Variants in GPRIN1 observed in about 807,000 individuals in gnomAD.
GPRIN1 encodes G protein regulated inducer of neurite outgrowth 1.
GPRIN1 carries 4 observed loss-of-function variants against 2.8 expected under a neutral mutation model. The ratio of observed to expected loss-of-function variants is 1.45; its 90% confidence interval spans 0.71 to 3.32. GPRIN1 has a LOEUF of 3.32. GPRIN1 is among the 30% of genes most tolerant of loss of function. The probability of loss-of-function intolerance (pLI) is 0.01; values close to 1 mark genes in which losing one functional copy is unlikely to be tolerated. For missense variants in GPRIN1, 1,322 were observed against 1,343.4 expected (o/e 0.98, Z 0.25); for synonymous variants, 589 against 589.9 (o/e 1.00, Z 0.02).
At chr5:176,609,769 C>T (rs1251474169) in intron 1 of GPRIN1, among the ~76,000 whole-genome samples, 1 of 149,920 alleles carries the variant, frequency 6.7e-6, no homozygotes, top group African/African-American at 2.4e-5. Context: ...GGCTGCGGGA[C>T]CCGCCCCCGC....
Position 176,598,730 on chromosome 5 carries a change from CT to C in GPRIN1, c.1104del (p.Glu369ArgfsTer37). ...ATCTTTCCCAGGAACCGGGAGTCCT[CT>C]TTTGTGGCAGGCACAGTTTCTACAT... ...VGNVETVPAT[K>X]EDSRFLGKMD... On this transcript the variant is annotated frameshift_variant, in exon 2 of 2. Transcript: ENST00000303991. LOFTEE classifies it low-confidence loss of function (END_TRUNC). 6.2e-7 allele frequency: 1 copy of C among 1,613,970 alleles called. No individual in the cohort carries two copies. Among genetic ancestry groups the C allele is most frequent in the Non-Finnish European group, 8.5e-7 (1 of 1,180,028 alleles).
At position 176,604,882 on chromosome 5, in the gene GPRIN1, C is replaced by T. The variant is rs530582930; in HGVS notation, c.-43-5005G>A. Among the ~76,000 whole-genome samples, 20 of 151,914 alleles carry T rather than the reference C, an allele frequency of 1.3e-4. No homozygotes were observed. The East Asian group carries it at 1.9e-3, about 15-fold the overall frequency. The stretch of plus-strand genomic sequence containing the variant: ...CCAAGTAGCTGGGATTACAGGCATG[C>T]GCCACCATGCCCAGCTAATTTTGTA... On this transcript the variant is annotated intron_variant, in intron 1 of 1. Transcript: ENST00000303991.
At chr5:176,605,807 CTT>C (rs1759213565) in intron 1 of GPRIN1, among the ~76,000 whole-genome samples, 1 of 152,102 alleles carries the variant, frequency 6.6e-6, no homozygotes, top group African/African-American at 2.4e-5. Flanking sequence ...AAGAAACTGT[CTT>C]TAAAACAGAG....
intron 1 of GPRIN1, among the ~76,000 whole-genome samples, chr5:176,601,393 A>G (rs1028294086): frequency 1.3e-5 from 2 of 152,164 alleles, no homozygotes; most frequent in Admixed American, 6.5e-5. Context: ...TCTCGATGAG[A>G]GACAGCACAG....
chr5:176,597,723 G>A lies in GPRIN1; in HGVS notation c.2112C>T (p.Ser704=), dbSNP rs1480661899. ...GGGGGACCACCTTCCCCAAGGATGG[G>A]GACTCCGTTTTTCTGGAAGGTGCAG... ...ADSAPSRKTE[S]PSLGKVVPLS... The change falls in exon 2 of 2, where the codon TCC becomes TCT. Residue 704 remains serine, a synonymous_variant. Coordinates refer to ENST00000303991, the MANE Select transcript of GPRIN1 (RefSeq NM_052899.3). This position sits in a 1 kb window ranked among gnomAD's most constrained non-coding sequence, Gnocchi z 6.1. 1.3e-6 allele frequency: 2 copies of A among 1,598,808 alleles called. No homozygotes were observed. Among genetic ancestry groups the A allele is most frequent in the African/African-American group, 2.7e-5 (2 of 74,190 alleles).
intron 1 of GPRIN1, among the ~76,000 whole-genome samples, chr5:176,604,170 A>G (rs1759188284): frequency 6.6e-6 from 1 of 152,260 alleles, no homozygotes; most frequent in South Asian, 2.1e-4. Flanking sequence ...AATAAATCAT[A>G]GTATTTCAAA....
Position 176,598,570 on chromosome 5 carries a change from C to A in GPRIN1, c.1265G>T (p.Gly422Val). 6.2e-7 allele frequency: 1 copy of A among 1,614,128 alleles called. No homozygotes were observed. The highest frequency in any genetic ancestry group is 8.5e-7 in the Non-Finnish European group (1 of 1,180,030). The change falls in exon 2 of 2, where the codon GGA becomes GTA. Residue 422 changes from glycine to valine, a missense_variant. Gly to Val is a moderately radical substitution (Grantham distance 109). This residue lies in a region of GPRIN1 where 1,117 missense variants were observed against 1,128.6 expected (regional missense o/e 0.99). Transcript: ENST00000303991. ...SSGKVDPVSL[G>V]KMDPMCSGKP... ...TCCTGAGCACATGGGGTCCATCTTT[C>A]CCAGAGAAACTGGATCCACCTTGCC... is the stretch of plus-strand genomic sequence containing the variant.
chr5:176,599,736 C>G lies in GPRIN1; in HGVS notation c.99G>C (p.Gly33=). The change falls in exon 2 of 2, where the codon GGG becomes GGC. Residue 33 remains glycine, a synonymous_variant. Transcript: ENST00000303991. Reference sequence around the variant, plus strand: ...TAGCCGAGCTGCCAGCCCCCAGGCTCCCATCCTGTGGGCAGAAGAAGGCTG... The same window carrying G: ...TAGCCGAGCTGCCAGCCCCCAGGCTGCCATCCTGTGGGCAGAAGAAGGCTG... ...RPTAFFCPQD[G]SLGAGSSAMR... is the part of the protein sequence containing the mutation. 6.5e-7 allele frequency: 1 copy of G among 1,548,344 alleles called. No homozygotes were observed. The highest frequency in any genetic ancestry group is 8.7e-7 in the Non-Finnish European group (1 of 1,146,998).
rs866932985 is a variant in GPRIN1 at position 176,597,073 on chromosome 5, G to A, written c.2762C>T (p.Thr921Met). 1.3e-6 allele frequency: 2 copies of A among 1,508,878 alleles called. No individual in the cohort carries two copies. Among genetic ancestry groups the A allele is most frequent in the Non-Finnish European group, 1.8e-6 (2 of 1,126,624 alleles). 93.5% of individuals were successfully genotyped at this position (1,508,878 alleles called of 1,614,324 possible). A position where few individuals can be genotyped will look rare whatever the true frequency, so the allele number is the denominator to read the frequency against. Reference sequence around the variant, plus strand: ...CATGGCGGCGCCGTATACCTCCCACGTCATGCCCTTCTCGTCCCAGCTCAC... The same window carrying A: ...CATGGCGGCGCCGTATACCTCCCACATCATGCCCTTCTCGTCCCAGCTCAC... ...RDVSWDEKGM[T>M]WEVYGAAMEV... The change falls in exon 2 of 2, where the codon ACG becomes ATG. Residue 921 changes from threonine to methionine, a missense_variant. Physicochemically the swap from Thr to Met is moderately conservative, Grantham distance 81. Transcript: ENST00000303991. This position sits in a 1 kb window ranked among gnomAD's most constrained non-coding sequence, Gnocchi z 6.1.
Position 176,598,503 on chromosome 5 carries a change from A to T in GPRIN1, c.1332T>A (p.Ser444=). The change falls in exon 2 of 2, where the codon TCT becomes TCA. Residue 444 remains serine, a synonymous_variant. Transcript: ENST00000303991. The stretch of plus-strand genomic sequence containing the variant: ...GGGATACAGTTCCTGCCTTTCCCAC[A>T]GACACACGCTCTGCCTGTCCAGGAG... ...LLSPGQAERV[S]VGKAGTVSPG... 1.2e-6 allele frequency: 2 copies of T among 1,614,158 alleles called. No individual in the cohort carries two copies. The highest frequency in any genetic ancestry group is 1.7e-6 in the Non-Finnish European group (2 of 1,180,038).
At chr5:176,600,612 C>T (rs890412090) in intron 1 of GPRIN1, among the ~76,000 whole-genome samples, 4 of 152,184 alleles carry the variant, frequency 2.6e-5, no homozygotes, top group African/African-American at 9.7e-5. Flanking sequence ...TTAGAGAGCA[C>T]ATGCTCTGTC....
In GPRIN1 at chr5:176,602,248, T is replaced by C. The variant is rs545516408; in HGVS notation, c.-43-2371A>G. Reference sequence around the variant, plus strand: ...GCTCCCCAAGGCTTTCCCTGACCCATGCAATGTAAAACAGCCTCCTCCCCA... The same window carrying C: ...GCTCCCCAAGGCTTTCCCTGACCCACGCAATGTAAAACAGCCTCCTCCCCA... On this transcript the variant is annotated intron_variant, in intron 1 of 1. Coordinates refer to ENST00000303991, the MANE Select transcript of GPRIN1 (RefSeq NM_052899.3). The surrounding 1 kb of genome is among the most constrained non-coding windows in gnomAD (Gnocchi z 4.4). Among the ~76,000 whole-genome samples, 29 of 152,300 alleles carry C rather than the reference T, an allele frequency of 1.9e-4. No individual in the cohort carries two copies. The highest frequency in any genetic ancestry group is 2.6e-4 in the Admixed American group (4 of 15,294).
intron 1 of GPRIN1, among the ~76,000 whole-genome samples, chr5:176,609,202 T>G (rs1759271671): frequency 6.6e-6 from 1 of 152,164 alleles, no homozygotes; most frequent in African/African-American, 2.4e-5. Context: ...CTCCAGGGTA[T>G]CTGGGTACGC....
chr5:176,598,483 A>G lies in GPRIN1; in HGVS notation c.1352T>C (p.Val451Ala), dbSNP rs1222575212. Residue 451 changes from valine to alanine, a missense_variant, in exon 2 of 2, where the codon GTA (valine) becomes GCA (alanine). Physicochemically the swap from Val to Ala is moderately conservative, Grantham distance 64 (BLOSUM62 0). Transcript: ENST00000303991. ...CACCGGGTCCTCTTTTCCTGGGGAT[A>G]CAGTTCCTGCCTTTCCCACAGACAC... ...ERVSVGKAGT[V>A]SPGKEDPVSS... The G allele has an allele frequency of 6.2e-7, 1 of 1,613,986 alleles. No individual in the cohort carries two copies. Among genetic ancestry groups the G allele is most frequent in the East Asian group, 2.2e-5 (1 of 44,898 alleles).
At chr5:176,604,866 T>TTCAA (rs1298735873) in intron 1 of GPRIN1, among the ~76,000 whole-genome samples, 5 of 152,060 alleles carry the variant, frequency 3.3e-5, no homozygotes, top group Non-Finnish European at 7.3e-5. Flanking sequence ...CCCAAGTAGC[T>TTCAA]GGGATTACAG....
At chr5:176,605,133 A>G (rs1759205180) in intron 1 of GPRIN1, among the ~76,000 whole-genome samples, 1 of 140,960 alleles carries the variant, frequency 7.1e-6, no homozygotes, top group African/African-American at 2.7e-5. Flanking sequence ...TTACTCTGTC[A>G]CCCAGGCTGG....
chr5:176,609,832 G>A (rs1265172622), intron 1 of GPRIN1, among the ~76,000 whole-genome samples, 167 bp downstream of exon 1: 1 of 107,734 alleles, frequency 9.3e-6, no homozygotes, highest in Non-Finnish European at 1.9e-5. Flanking sequence ...GACACCCACC[G>A]CCCCCAGCCG....
rs1355747560 is a variant in GPRIN1, at chr5:176,609,437, C to T, written c.-44+562G>A. 3.9e-5 allele frequency among the ~76,000 whole-genome samples: 6 copies of T among 152,114 alleles called. No homozygotes were observed. In the East Asian group the frequency reaches 9.7e-4, roughly 24 times the overall value. On this transcript the variant is annotated intron_variant, in intron 1 of 1. Transcript: ENST00000303991. The stretch of plus-strand genomic sequence containing the variant: ...ATGACCAACAGCCATTGTGTGTGTG[C>T]GGTAGACCTGTGGCCTCACTCGAGG...
Position 176,599,829 on chromosome 5 carries a change from G to A in GPRIN1, c.6C>T (p.Asp2=). Residue 2 remains aspartate (D), a synonymous_variant, in exon 2 of 2, where the codon GAC becomes GAT. Coordinates refer to ENST00000303991, the MANE Select transcript of GPRIN1 (RefSeq NM_052899.3). ...GGAGCCAGGCCGGGTCTTCAGCAGTGTCCATCTGCCCTCATGACCACGCCT... is the reference window on the plus strand; with the variant it reads ...GGAGCCAGGCCGGGTCTTCAGCAGTATCCATCTGCCCTCATGACCACGCCT... M[D]TAEDPAWLQL... 6.8e-7 allele frequency: 1 copy of A among 1,480,324 alleles called. No homozygotes were observed. Among genetic ancestry groups the A allele is most frequent in the Non-Finnish European group, 9.0e-7 (1 of 1,113,826 alleles). 91.7% of individuals were successfully genotyped at this position (1,480,324 alleles called of 1,614,324 possible).
Sources: gnomAD v4.1 joint callset for allele counts (sites outside exome capture counted in the v4.1 genomes callset) on GRCh38, gnomAD v4.1.1 for gene constraint, gnomAD v4.1.1 regional missense constraint, Gnocchi (gnomAD v3.1) non-coding constraint, MANE v1.5 for transcripts, NCBI Gene and HGNC (gene_info 2026-07-23, HGNC 2026-07-21) for gene names.